FAAP20: variants seen among roughly 807,000 people sequenced by gnomAD.
FAAP20 encodes the protein FA core complex associated protein 20.
FAAP20 carries 12 observed loss-of-function variants against 16.2 expected under a neutral mutation model. The ratio of observed to expected loss-of-function variants is 0.74; its 90% CI spans 0.48 to 1.20. The LOEUF (loss-of-function observed/expected upper bound fraction) is 1.20, where lower values mean the gene tolerates loss of function less well. Among genes scored for constraint, FAAP20 ranks in the 50% most tolerant of loss-of-function variants. The pLI, the probability that FAAP20 is intolerant of heterozygous loss-of-function variation, is 0.00. For synonymous variants in FAAP20, 141 were observed against 110.7 expected (o/e 1.27, Z -1.72); for missense variants, 288 against 245.8 (o/e 1.17, Z -1.15).
intron 1 of FAAP20, among the ~76,000 whole-genome samples, chr1:2,206,962 CA>C (rs1474606858): frequency 6.6e-6 from 1 of 152,158 alleles, no homozygotes; most frequent in Admixed American, 6.5e-5. Flanking sequence ...GCACTCTGTC[CA>C]GGAGGAGGGG....
upstream of FAAP20, chr1:2,200,767 C>A (rs1438483028): frequency 1.0e-6 from 1 of 999,078 alleles, no homozygotes; most frequent in Admixed American, 5.9e-5. Context: ...GTCCACCACA[C>A]CCGGAGCTGA....
downstream of FAAP20, among the ~76,000 whole-genome samples, chr1:2,210,774 C>T (rs1313011471): frequency 6.6e-6 from 1 of 152,214 alleles, no homozygotes; most frequent in Non-Finnish European, 1.5e-5. Flanking sequence ...CCTTGCCCAC[C>T]CAACCTTGGT....
At chr1:2,188,166 C>T (rs1687781876), downstream of FAAP20, among the ~76,000 whole-genome samples, 1 of 152,226 alleles carries the variant, frequency 6.6e-6, no homozygotes, top group Non-Finnish European at 1.5e-5. Flanking sequence ...AGAGCTGAGC[C>T]CGCAAAGCCC....
chr1:2,188,641 G>T (rs1687818044), downstream of FAAP20, among the ~76,000 whole-genome samples: 1 of 152,184 alleles, frequency 6.6e-6, no homozygotes, highest in African/African-American at 2.4e-5. Context: ...TTACAGGCCC[G>T]CAGCACACGG....
chr1:2,193,814 G>A lies in FAAP20; in HGVS notation c.295C>T (p.Arg99Cys), dbSNP rs769416797. The A allele has an allele frequency of 3.7e-6, 6 of 1,607,422 alleles. No individual in the cohort carries two copies. The highest frequency in any genetic ancestry group is 2.2e-5 in the East Asian group (1 of 44,866). Reference protein sequence around the residue: ...PFPPDLWGPGRSYRLLHGAGG... With the variant: ...PFPPDLWGPGCSYRLLHGAGG... The stretch of plus-strand genomic sequence containing the variant: ...GCCCCGTGAAGCAGCCGGTAGGAAC[G>A]GCCCGGGCCCCACAGGTCCGGCGGA... The change falls in exon 3 of 4, where the codon CGT becomes TGT. Residue 99 changes from arginine (R) to cysteine (C), a missense_variant. Physicochemically the swap from Arg to Cys is radical, Grantham distance 180. Coordinates refer to ENST00000378546, the MANE Select transcript of FAAP20 (RefSeq NM_182533.4).
At chr1:2,191,109 C>G (rs1479830398) in intron 3 of FAAP20, 1 of 152,472 alleles carries the variant, frequency 6.6e-6, no homozygotes, top group Admixed American at 6.5e-5. Flanking sequence ...GGGAACCAGC[C>G]CCTCCCTCCA....
downstream of FAAP20, among the ~76,000 whole-genome samples, chr1:2,188,801 C>T (rs941762544): frequency 1.3e-5 from 2 of 151,312 alleles, no homozygotes; most frequent in Admixed American, 6.6e-5. Context: ...GTCAGGAGAT[C>T]AAGACCATCC....
At chr1:2,202,853 G>A (rs1378695153), upstream of FAAP20, among the ~76,000 whole-genome samples, 2 of 152,192 alleles carry the variant, frequency 1.3e-5, no homozygotes. Flanking sequence ...CTGGCCTCAA[G>A]CAATCCTCCT....
chr1:2,192,158 G>A, intron 3 of FAAP20: 1 of 985,774 alleles, frequency 1.0e-6, no homozygotes, highest in African/African-American at 1.7e-5. Context: ...CCCTGCTGGG[G>A]TCCTGTGCGG....
chr1:2,191,547 C>G (rs549353248), intron 3 of FAAP20: 16 of 152,594 alleles, frequency 1.0e-4, no homozygotes, highest in African/African-American at 3.6e-4. Context: ...CAGTTCAAGA[C>G]CAGCCTGACC....
chr1:2,190,196 A>G (rs1688037363), intron 3 of FAAP20: 1 of 467,250 alleles, frequency 2.1e-6, no homozygotes, highest in Non-Finnish European at 4.3e-6. Context: ...CAGAAGAGTA[A>G]ACATGGCTGG....
downstream of FAAP20, among the ~76,000 whole-genome samples, chr1:2,209,675 C>T (rs1260852609): frequency 6.6e-6 from 1 of 152,230 alleles, no homozygotes; most frequent in Non-Finnish European, 1.5e-5. Context: ...GGCCGAGGCA[C>T]ACGAAGTTCA....
At chr1:2,192,389 A>T in intron 3 of FAAP20, 1 of 994,488 alleles carries the variant, frequency 1.0e-6, no homozygotes, top group East Asian at 1.1e-4. Context: ...ACTTAGGAAA[A>T]ATTGAGGCAG....
chr1:2,190,773 C>T (rs1345489440), intron 3 of FAAP20: 1 of 274,996 alleles, frequency 3.6e-6, no homozygotes, highest in Non-Finnish European at 7.4e-6. Context: ...CCCCACTGAG[C>T]GGCCAAGTCC....
At chr1:2,194,909 G>A (rs1688737178), upstream of FAAP20, 2 of 656,268 alleles carry the variant, frequency 3.0e-6, no homozygotes, top group African/African-American at 3.9e-5. Flanking sequence ...GGGAAACTGA[G>A]GCCAGGGTTC....
At chr1:2,204,363 G>A (rs900012231), upstream of FAAP20, among the ~76,000 whole-genome samples, 2 of 152,242 alleles carry the variant, frequency 1.3e-5, no homozygotes, top group Non-Finnish European at 2.9e-5. Flanking sequence ...TTCCTCAGAG[G>A]GATTTGCCCC....
downstream of FAAP20, chr1:2,207,434 G>A (rs1463088372): frequency 3.9e-5 from 6 of 152,306 alleles, no homozygotes; most frequent in African/African-American, 1.4e-4. Flanking sequence ...CAGGTCATCT[G>A]GGCTGTCGGA....
chr1:2,209,006 G>A (rs977913532), downstream of FAAP20, among the ~76,000 whole-genome samples: 91 of 152,338 alleles, frequency 6.0e-4, no homozygotes, highest in African/African-American at 2.1e-3. Flanking sequence ...ACTGCACCCA[G>A]CAGCTGCTCC....
At chr1:2,186,050 C>CAGGG, downstream of FAAP20, 1 of 452,984 alleles carries the variant, frequency 2.2e-6, no homozygotes, top group South Asian at 1.6e-5. Context: ...TTCCTAGAGG[C>CAGGG]AGGGCTGCCA....
Sources: gnomAD v4.1 joint callset for allele counts (sites outside exome capture counted in the v4.1 genomes callset) on GRCh38, gnomAD v4.1.1 for gene constraint, MANE v1.5 for transcripts, NCBI Gene and HGNC (gene_info 2026-07-23, HGNC 2026-07-21) for gene names.